TEX11: variants seen among roughly 807,000 people sequenced by gnomAD.
The protein encoded by TEX11 is testis expressed 11.
TEX11 carries 7 observed loss-of-function variants against 84.4 expected under a neutral mutation model. That is an observed-to-expected ratio of 0.08 (90% CI 0.05 to 0.16). The LOEUF (loss-of-function observed/expected upper bound fraction) is 0.16. Among genes scored for constraint, TEX11 ranks in the 10% least tolerant of loss-of-function variants. The probability of loss-of-function intolerance (pLI) is 1.00; values close to 1 mark genes in which losing one functional copy is unlikely to be tolerated. For synonymous variants in TEX11, 264 were observed against 222.8 expected, an observed-to-expected ratio of 1.18 and a Z score of -1.64; for missense variants, 551 against 660.5, an observed-to-expected ratio of 0.83 and a Z score of 1.82.
chrX:70,735,675 T>G (rs2090690380), intron 11 of TEX11, among the ~76,000 whole-genome samples: 1 of 112,361 alleles, frequency 8.9e-6, no homozygotes, highest in African/African-American at 3.2e-5. Context: ...ATTCAACAAA[T>G]TCCCTACCAA....
chrX:70,711,192 T>C (rs2090429089), intron 13 of TEX11, among the ~76,000 whole-genome samples: 1 of 111,756 alleles, frequency 8.9e-6, no homozygotes, highest in Non-Finnish European at 1.9e-5. Flanking sequence ...CTATCATTGA[T>C]GGACATTTGG....
rs916144401 is a variant in TEX11 at position 70,606,147 on chromosome X, A to G, written c.1951-630T>C. 2.7e-5 allele frequency among the ~76,000 whole-genome samples: 3 copies of G among 112,429 alleles called. No homozygotes were observed. The Admixed American group carries it at 2.8e-4, about 11-fold the overall frequency. ...GCAAAGACTATTTCTTAATCTCCCC[A>G]AACATTCAGTGATCATAATCATCAT... On this transcript the variant is annotated intron_variant, in intron 23 of 29. Coordinates refer to ENST00000374333, the MANE Select transcript of TEX11 (RefSeq NM_031276.3).
At chrX:70,516,164 G>A in the TEX11 span, among the ~76,000 whole-genome samples, 2 of 112,217 alleles carry the variant, frequency 1.8e-5, no homozygotes, top group African/African-American at 6.5e-5. Flanking sequence ...TGTTGCCATT[G>A]CTTTTGGTGT....
At chrX:70,804,971 CTTTTTTTTTTTTT>C (rs748863855) in intron 9 of TEX11, among the ~76,000 whole-genome samples, 2 of 68,199 alleles carry the variant, frequency 2.9e-5, no homozygotes, top group African/African-American at 6.8e-5. Flanking sequence ...CACCAGCATC[CTTTTTTTTTTTTT>C]TTTTTTTTTT....
chrX:70,678,692 C>A, intron 15 of TEX11, 112 bp downstream of exon 15: 1 of 575,883 alleles, frequency 1.7e-6, no homozygotes, highest in African/African-American at 2.3e-5. Flanking sequence ...TATATGGTAT[C>A]TAAACAGACA....
At chrX:70,610,222 G>A (rs1233554676) in intron 21 of TEX11, among the ~76,000 whole-genome samples, 6 of 77,943 alleles carry the variant, frequency 7.7e-5, no homozygotes, top group African/African-American at 2.9e-4. Context: ...GAGGGAGGGA[G>A]GGAGGGAGGG....
chrX:70,572,589 T>A (rs1282395695), intron 25 of TEX11, among the ~76,000 whole-genome samples: 1 of 110,323 alleles, frequency 9.1e-6, no homozygotes, highest in Admixed American at 9.7e-5. Flanking sequence ...TAGCAAAGAC[T>A]TGGAACCAAG....
In TEX11 at chrX:70,763,612, A is replaced by T. The variant is rs1038962404; in HGVS notation, c.693-19393T>A. Among the ~76,000 whole-genome samples, 13 of 110,860 alleles carry T rather than the reference A, an allele frequency of 1.2e-4. 1 individual carries two copies. The highest frequency in any genetic ancestry group is 3.8e-4 in the South Asian group (1 of 2,630). ...AACTATTGAAATAAAATAAAAAATT[A>T]AAAAAAATAGTTATAGTGGTGGGTG... is the stretch of plus-strand genomic sequence containing the variant. On this transcript the variant is annotated intron_variant, in intron 9 of 29. Coordinates refer to ENST00000374333, the MANE Select transcript of TEX11 (RefSeq NM_031276.3).
intron 8 of TEX11, among the ~76,000 whole-genome samples, chrX:70,825,542 T>C (rs2091340874): frequency 9.0e-6 from 1 of 111,123 alleles, no homozygotes; most frequent in African/African-American, 3.3e-5. Flanking sequence ...TAGAAAAATA[T>C]AGTCTCAGTA....
At chrX:70,777,806 G>A (rs2091011874) in intron 9 of TEX11, among the ~76,000 whole-genome samples, 1 of 110,713 alleles carries the variant, frequency 9.0e-6, no homozygotes, top group African/African-American at 3.3e-5. Flanking sequence ...AAAAAATCAA[G>A]TCACAAAGGA....
At chrX:70,700,461 T>C (rs1490333260) in intron 13 of TEX11, among the ~76,000 whole-genome samples, 8 of 111,556 alleles carry the variant, frequency 7.2e-5, no homozygotes, top group Non-Finnish European at 1.5e-4. Flanking sequence ...TGATCTTTGA[T>C]GTCAACATTG....
At chrX:70,719,724 C>T (rs2090539549) in intron 13 of TEX11, among the ~76,000 whole-genome samples, 2 of 112,258 alleles carry the variant, frequency 1.8e-5, no homozygotes, top group African/African-American at 6.5e-5. Context: ...TGAACAGACA[C>T]TTCTCAAAAG....
intron 7 of TEX11, among the ~76,000 whole-genome samples, chrX:70,838,067 T>C (rs769593052): frequency 5.3e-5 from 6 of 112,403 alleles, no homozygotes; most frequent in African/African-American, 1.6e-4. Context: ...CTCTCTTTAC[T>C]ATTTTTGTAG....
intron 9 of TEX11, among the ~76,000 whole-genome samples, chrX:70,797,178 C>T (rs2091160335): frequency 8.9e-6 from 1 of 111,941 alleles, no homozygotes; most frequent in South Asian, 3.7e-4. Flanking sequence ...TTCATTGCAG[C>T]ACTATTCACA....
Position 70,807,092 on chromosome X carries a change from T to C in TEX11, c.607-302A>G, listed in dbSNP as rs183872530. The stretch of plus-strand genomic sequence containing the variant: ...ATTACTAATAGAAGTTAAAAGATGC[T>C]TTGTAACAGGAAATGAGAAACCCAA... On this transcript the variant is annotated intron_variant, in intron 8 of 29. Coordinates refer to ENST00000374333, the MANE Select transcript of TEX11 (RefSeq NM_031276.3). Among the ~76,000 whole-genome samples, 83 of 112,493 alleles carry C rather than the reference T, an allele frequency of 7.4e-4. 2 individuals are homozygous for C. Among genetic ancestry groups the C allele is most frequent in the Admixed American group, 4.5e-3 (48 of 10,616 alleles).
intron 25 of TEX11, among the ~76,000 whole-genome samples, chrX:70,556,571 C>T (rs188297964): frequency 6.3e-5 from 7 of 111,229 alleles, no homozygotes; most frequent in Non-Finnish European, 1.1e-4. Context: ...GATGAATGTT[C>T]CTTGTGAATT....
At chrX:70,806,661 T>C (rs745555805) in intron 9 of TEX11, 44 bp downstream of exon 9, 12 of 913,961 alleles carry the variant, frequency 1.3e-5, no homozygotes, top group Non-Finnish European at 1.9e-5. Flanking sequence ...CTGACATCTA[T>C]GATAATATTC....
At chrX:70,895,709 A>G (rs776691263) in intron 2 of TEX11, among the ~76,000 whole-genome samples, 1 of 111,929 alleles carries the variant, frequency 8.9e-6, no homozygotes, top group Non-Finnish European at 1.9e-5. Context: ...AGCTTCAGAA[A>G]TAACACCACA....
chrX:70,730,051 C>T (rs1041284517), intron 11 of TEX11, among the ~76,000 whole-genome samples: 7 of 111,581 alleles, frequency 6.3e-5, no homozygotes, highest in African/African-American at 2.3e-4. Context: ...TCACGTCCAG[C>T]CAAACTAAGC....
Sources: allele counts gnomAD v4.1 joint callset (sites outside exome capture counted in the v4.1 genomes callset), GRCh38; gene constraint gnomAD v4.1.1; transcripts MANE v1.5; gene names NCBI Gene and HGNC (gene_info 2026-07-23, HGNC 2026-07-21).